The following LGMN variants were observed in gnomAD, a reference collection of about 807,000 sequenced individuals.
The protein encoded by LGMN is legumain.
Under a neutral mutation model 56.8 loss-of-function variants are expected in LGMN, and 36 were observed. That is an observed-to-expected ratio of 0.63 (90% CI 0.49 to 0.84). LGMN has a LOEUF of 0.84. LGMN is among the 40% of genes least tolerant of loss of function. The pLI, the probability that LGMN is intolerant of heterozygous loss-of-function variation, is 0.00. For missense variants in LGMN, 446 were observed against 556.1 expected (o/e 0.80, Z 1.99); for synonymous variants, 199 against 210.1 (o/e 0.95, Z 0.46).
chr14:92,740,129 T>A (rs1368517063), intron 1 of LGMN, among the ~76,000 whole-genome samples: 1 of 152,190 alleles, frequency 6.6e-6, no homozygotes, highest in Non-Finnish European at 1.5e-5. Context: ...ATGCCTGTAA[T>A]CCCAGCTACT....
intron 11 of LGMN, 44 bp from the exon 12 acceptor site, chr14:92,706,697 G>A (rs376043187): frequency 4.7e-6 from 7 of 1,502,768 alleles, no homozygotes; most frequent in African/African-American, 2.7e-5. Flanking sequence ...CCCTGAATGC[G>A]GTCTCTCAGG....
At chr14:92,718,452 C>A (rs1256050984) in intron 3 of LGMN, among the ~76,000 whole-genome samples, 1 of 152,120 alleles carries the variant, frequency 6.6e-6, no homozygotes, top group Admixed American at 6.5e-5. Flanking sequence ...TGCACACCTG[C>A]AGTCCCAGCT....
chr14:92,708,167 A>G (rs1889545263), intron 11 of LGMN, among the ~76,000 whole-genome samples: 1 of 144,350 alleles, frequency 6.9e-6, no homozygotes, highest in Non-Finnish European at 1.5e-5. Context: ...AAAAAAAAAA[A>G]TCACCAAAAA....
rs1889863147 is a variant in LGMN at position 92,712,867 on chromosome 14, AC to A, written c.547del (p.Val183CysfsTer12). 1 of 1,613,722 alleles carries A rather than the reference AC, an allele frequency of 6.2e-7. No individual in the cohort carries two copies. The highest frequency in any genetic ancestry group is 1.3e-5 in the African/African-American group (1 of 75,026). ...AGACTCACAGGCTTCAATGTAGAAC[AC>A]CATCTGTGAGGCAGACGGGGCAGGT... ...MYKHKMYRKMVFYIEACESGS... is the reference protein window; with the variant it reads ...MYKHKMYRKMXFYIEACESGS... On this transcript the variant is annotated frameshift_variant, in exon 8 of 14. Transcript: ENST00000334869. LOFTEE classifies it high-confidence loss of function.
At position 92,706,390 on chromosome 14, in the gene LGMN, C is replaced by A. The variant is rs17128499; in HGVS notation, c.1191+93G>T. 9,298 of 1,074,328 alleles carry A rather than the reference C, an allele frequency of 8.7e-3. 466 individuals are homozygous for A. In the East Asian group the frequency reaches 0.13, roughly 15 times the overall value. The allele number at this position is 1,074,328 out of a possible 1,614,324, so 66.5% of individuals were successfully genotyped here. A position where few individuals can be genotyped will look rare whatever the true frequency, so the allele number is the denominator to read the frequency against. ...CCACTGTTTCTCAGCCTGGATGGAA[C>A]CTTCTATAAGGTCGTACAACCAATG... is the stretch of plus-strand genomic sequence containing the variant. On this transcript the variant is annotated intron_variant, in intron 12 of 13. Transcript: ENST00000334869.
intron 2 of LGMN, among the ~76,000 whole-genome samples, chr14:92,724,438 G>A (rs3783932): frequency 0.075 from 11,416 of 152,252 alleles, 581 homozygotes; most frequent in East Asian, 0.26. Flanking sequence ...TTAACTCAGC[G>A]GGGTTCTTCC....
chr14:92,712,216 T>C (rs1889819585), intron 8 of LGMN, among the ~76,000 whole-genome samples: 1 of 152,254 alleles, frequency 6.6e-6, no homozygotes, highest in Admixed American at 6.5e-5. Flanking sequence ...TAGGACATCA[T>C]GCTATTCTGG....
At chr14:92,717,540 C>G (rs576509014) in intron 3 of LGMN, 79 bp from the exon 4 acceptor site, 18 of 1,056,926 alleles carry the variant, frequency 1.7e-5, no homozygotes, top group South Asian at 1.6e-4. Flanking sequence ...GTATGTTATG[C>G]GAAAAAATAG....
intron 8 of LGMN, 39 bp from the exon 9 acceptor site, chr14:92,711,994 T>C (rs377673488): frequency 4.8e-6 from 7 of 1,461,416 alleles, no homozygotes; most frequent in Non-Finnish European, 6.7e-6. Context: ...TTGCATTTTA[T>C]TCCTGCCTTG....
intron 2 of LGMN, among the ~76,000 whole-genome samples, chr14:92,730,676 G>A (rs1891005825): frequency 1.3e-5 from 2 of 152,180 alleles, no homozygotes; most frequent in African/African-American, 4.8e-5. Flanking sequence ...CGGGCATGGT[G>A]GCTCACGCCT....
At chr14:92,725,919 A>G (rs2140247509) in intron 2 of LGMN, among the ~76,000 whole-genome samples, 1 of 152,112 alleles carries the variant, frequency 6.6e-6, no homozygotes. Flanking sequence ...AACAACATGG[A>G]TTAATCTCAA....
In LGMN at chr14:92,706,608, G is replaced by T; in HGVS notation, c.1066C>A (p.Leu356Met). 6.2e-7 allele frequency: 1 copy of T among 1,601,770 alleles called. No individual in the cohort carries two copies. The highest frequency in any genetic ancestry group is 8.5e-7 in the Non-Finnish European group (1 of 1,170,160). The change falls in exon 12 of 14, where the codon CTG becomes ATG. Residue 356 changes from leucine (L) to methionine (M), a missense_variant. Leu to Met is a conservative substitution (Grantham distance 15, BLOSUM62 2). Coordinates refer to ENST00000334869, the MANE Select transcript of LGMN (RefSeq NM_005606.7). ...TCCACCTCAGCCTCGGACGCTGCCA[G>T]CAAGGAGACGATCTTACGCACTGAC... ...EKSVRKIVSL[L>M]AASEAEVEQL...
chr14:92,716,729 AAAAAT>A (rs1595536515), intron 4 of LGMN, among the ~76,000 whole-genome samples: 1 of 152,236 alleles, frequency 6.6e-6, no homozygotes, highest in Non-Finnish European at 1.5e-5. Flanking sequence ...ACTTTAAAAG[AAAAAT>A]AAAATAAAAT....
intron 2 of LGMN, among the ~76,000 whole-genome samples, chr14:92,730,082 A>AATCACGG (rs1890970301): frequency 1.3e-5 from 2 of 152,370 alleles, no homozygotes; most frequent in Non-Finnish European, 2.9e-5. Context: ...GTTGTATAAA[A>AATCACGG]ATCACGGTGG....
chr14:92,737,060 G>A (rs149269702), intron 1 of LGMN, among the ~76,000 whole-genome samples: 180 of 152,144 alleles, frequency 1.2e-3, no homozygotes, highest in African/African-American at 3.7e-3. Flanking sequence ...CTTCCCCTAG[G>A]GTAGGGGTAG....
chr14:92,742,507 G>A (rs192254906), intron 1 of LGMN, among the ~76,000 whole-genome samples: 26 of 152,046 alleles, frequency 1.7e-4, no homozygotes, highest in Admixed American at 5.9e-4. Flanking sequence ...GGCTGGTCTC[G>A]AGTTCCTGGC....
rs768614599 is a variant in LGMN at position 92,732,741 on chromosome 14, C to A, written c.46G>T (p.Gly16Cys). ...AVFLSVALGI[G>C]AVPIDDPEDG... is the part of the protein sequence containing the mutation. ...TCAGGATCATCTATAGGAACGGCAC[C>A]AATGCCCAGGGCCACACTGAGGAAT... Residue 16 changes from glycine to cysteine, a missense_variant, in exon 2 of 14, where the codon GGT becomes TGT. By Grantham distance (159) the Gly-to-Cys change is radical. Transcript: ENST00000334869. 4.3e-6 allele frequency: 7 copies of A among 1,614,196 alleles called. No homozygotes were observed. The highest frequency in any genetic ancestry group is 5.1e-6 in the Non-Finnish European group (6 of 1,180,032).
chr14:92,704,033 C>T lies in LGMN; in HGVS notation c.*286G>A. ...TACAGAAGCCCCCATGAGCTTCCTG[C>T]TCCTCAAAACTAACAGGCAAAACAA... On this transcript the variant is annotated 3_prime_UTR_variant, in exon 14 of 14. Transcript: ENST00000334869. 1 of 693,922 alleles carries T rather than the reference C, an allele frequency of 1.4e-6. No individual in the cohort carries two copies. Among genetic ancestry groups the T allele is most frequent in the South Asian group, 1.5e-5 (1 of 65,792 alleles). 43.0% of individuals were successfully genotyped at this position (693,922 alleles called of 1,614,324 possible).
chr14:92,716,267 C>CTCTCTGGGTTGGAG, intron 4 of LGMN, 46 bp from the exon 5 acceptor site: 2 of 1,413,720 alleles, frequency 1.4e-6, no homozygotes, highest in Non-Finnish European at 2.0e-6. Context: ...GTCGCTCCAA[C>CTCTCTGGGTTGGAG]CCAGAGAGTT....
Sources: allele counts gnomAD v4.1 joint callset (sites outside exome capture counted in the v4.1 genomes callset), GRCh38; gene constraint gnomAD v4.1.1; transcripts MANE v1.5; gene names NCBI Gene and HGNC (gene_info 2026-07-23, HGNC 2026-07-21).